Variants in NAA15 observed in about 807,000 individuals in gnomAD.
NAA15 encodes N-alpha-acetyltransferase 15, NatA auxiliary subunit, also known as N-terminal acetyltransferase.
In NAA15, 34 loss-of-function variants were observed where a neutral mutation model predicts 114.0. The observed-to-expected ratio is 0.30, with a 90% confidence interval of 0.23 to 0.40. NAA15 has a LOEUF of 0.40. Ranked by LOEUF, NAA15 falls within the 10% of genes least tolerant of loss-of-function variation. The pLI, the probability that NAA15 is intolerant of heterozygous loss-of-function variation, is 1.00. For synonymous variants in NAA15, 340 were observed against 338.0 expected, an observed-to-expected ratio of 1.01 and a Z score of -0.06; for missense variants, 658 against 1,004.5, an observed-to-expected ratio of 0.66 and a Z score of 4.66.
intron 12 of NAA15, 67 bp downstream of exon 12, chr4:139,359,962 T>C (rs936194070): frequency 7.1e-7 from 1 of 1,408,368 alleles, no homozygotes; most frequent in Non-Finnish European, 9.4e-7. Flanking sequence ...TTGTATAACA[T>C]GCTTATTTTT....
intron 16 of NAA15, among the ~76,000 whole-genome samples, chr4:139,378,353 G>A (rs142370159): frequency 1.3e-5 from 2 of 152,280 alleles, no homozygotes; most frequent in African/African-American, 4.8e-5. Flanking sequence ...GAGAGGAACA[G>A]TCAAACAGAA....
intron 1 of NAA15, among the ~76,000 whole-genome samples, chr4:139,306,660 A>C (rs146825982): frequency 6.6e-6 from 1 of 152,010 alleles, no homozygotes; most frequent in East Asian, 1.9e-4. Flanking sequence ...CTTATTTGGA[A>C]AATTAAGTCA....
chr4:139,314,900 T>G (rs1487452535), intron 1 of NAA15, among the ~76,000 whole-genome samples: 1 of 151,714 alleles, frequency 6.6e-6, no homozygotes, highest in Non-Finnish European at 1.5e-5. Flanking sequence ...ATGGTCTCAA[T>G]CTCTTGACAT....
chr4:139,315,043 T>C (rs575152262), intron 1 of NAA15, among the ~76,000 whole-genome samples: 2,745 of 134,056 alleles, frequency 0.02, 255 homozygotes, highest in Admixed American at 0.044. Flanking sequence ...TAGGTTAGGT[T>C]AGGTTAGGTT....
chr4:139,322,490 G>A (rs996626199), intron 1 of NAA15, among the ~76,000 whole-genome samples: 6 of 152,304 alleles, frequency 3.9e-5, no homozygotes, highest in African/African-American at 1.4e-4. Context: ...TATTCCTAAG[G>A]TGTGAGCTTT....
chr4:139,340,082 GAGGCCA>G (rs1747331796), intron 3 of NAA15, among the ~76,000 whole-genome samples: 2 of 152,152 alleles, frequency 1.3e-5, no homozygotes, highest in South Asian at 4.1e-4. Context: ...CGCACTTTGG[GAGGCCA>G]AGGCAGGTGT....
intron 15 of NAA15, among the ~76,000 whole-genome samples, chr4:139,370,781 G>A (rs903216346): frequency 6.6e-6 from 1 of 152,130 alleles, no homozygotes; most frequent in Non-Finnish European, 1.5e-5. Flanking sequence ...TTTAGGACTG[G>A]AGAAAATACA....
intron 1 of NAA15, among the ~76,000 whole-genome samples, chr4:139,310,611 T>A (rs1746191049): frequency 6.6e-6 from 1 of 151,798 alleles, no homozygotes; most frequent in Admixed American, 6.6e-5. Context: ...TTTTTAATTT[T>A]AAATTTATTT....
intron 1 of NAA15, among the ~76,000 whole-genome samples, chr4:139,311,033 TC>T (rs969982644): frequency 6.6e-6 from 1 of 151,306 alleles, no homozygotes; most frequent in African/African-American, 2.4e-5. Context: ...CAAGCGATTC[TC>T]CCACCTTAGT....
chr4:139,340,524 A>G (rs1306169853), intron 3 of NAA15, among the ~76,000 whole-genome samples: 1 of 152,196 alleles, frequency 6.6e-6, no homozygotes, highest in Non-Finnish European at 1.5e-5. Context: ...TATTAATAAT[A>G]TAGTAACTGT....
chr4:139,346,048 T>TTTTG (rs996383431), intron 6 of NAA15, among the ~76,000 whole-genome samples: 8 of 152,056 alleles, frequency 5.3e-5, no homozygotes, highest in Admixed American at 3.3e-4. Context: ...CTCAAAAAGT[T>TTTTG]TTTGTTTGTT....
intron 15 of NAA15, among the ~76,000 whole-genome samples, chr4:139,375,132 C>G (rs1349451857): frequency 6.6e-6 from 1 of 152,140 alleles, no homozygotes; most frequent in East Asian, 1.9e-4. Context: ...CTGTTTCTCC[C>G]CTTGTACCAG....
At chr4:139,305,858 C>T (rs182799996) in intron 1 of NAA15, among the ~76,000 whole-genome samples, 2 of 152,284 alleles carry the variant, frequency 1.3e-5, no homozygotes, top group East Asian at 1.9e-4. Flanking sequence ...TAAATCATTC[C>T]TGCAGCATTC....
intron 9 of NAA15, among the ~76,000 whole-genome samples, chr4:139,352,619 G>GT (rs1747815653): frequency 7.4e-6 from 1 of 135,804 alleles, no homozygotes; most frequent in Admixed American, 7.3e-5. Flanking sequence ...TTTGATTGCT[G>GT]TTTCACTTGT....
chr4:139,329,857 T>C (rs1746941538), intron 1 of NAA15, among the ~76,000 whole-genome samples: 1 of 152,192 alleles, frequency 6.6e-6, no homozygotes, highest in South Asian at 2.1e-4. Context: ...TCAGTCTTTG[T>C]TAACTCTGTG....
chr4:139,377,538 CA>C (rs34989554), intron 16 of NAA15, among the ~76,000 whole-genome samples: 39 of 140,672 alleles, frequency 2.8e-4, no homozygotes, highest in East Asian at 6.3e-4. Context: ...AACTCCATCT[CA>C]AAAAAAAAAA....
At chr4:139,371,913 C>G (rs1046160911) in intron 15 of NAA15, among the ~76,000 whole-genome samples, 1 of 151,960 alleles carries the variant, frequency 6.6e-6, no homozygotes, top group Non-Finnish European at 1.5e-5. Flanking sequence ...ATGTATTTCT[C>G]TTTTGTTTGT....
chr4:139,321,770 A>G (rs1435264167), intron 1 of NAA15, among the ~76,000 whole-genome samples: 2 of 151,544 alleles, frequency 1.3e-5, no homozygotes, highest in Non-Finnish European at 2.9e-5. Flanking sequence ...GGTGTGAGCC[A>G]CCGTGCCTGG....
At chr4:139,376,331 G>C (rs1335275807) in intron 15 of NAA15, 34 bp from the exon 16 acceptor site, 1 of 1,315,168 alleles carries the variant, frequency 7.6e-7, no homozygotes, top group South Asian at 1.3e-5. Flanking sequence ...AAGAACCTTA[G>C]TTTCATTTGT....
Sources: gnomAD v4.1 joint callset for allele counts (sites outside exome capture counted in the v4.1 genomes callset) on GRCh38, gnomAD v4.1.1 for gene constraint, MANE v1.5 for transcripts, NCBI Gene and HGNC (gene_info 2026-07-23, HGNC 2026-07-21) for gene names.